The following NBAS variants were observed in gnomAD, a reference collection of about 807,000 sequenced individuals.
NBAS encodes the protein NBAS subunit of NRZ tethering complex.
In NBAS, 219 loss-of-function variants were observed where a neutral mutation model predicts 302.5. That is an observed-to-expected ratio of 0.72 (90% CI 0.65 to 0.81). The LOEUF (loss-of-function observed/expected upper bound fraction) is 0.81, where lower values mean the gene tolerates loss of function less well. Ranked by LOEUF, NBAS falls within the 30% of genes least tolerant of loss-of-function variation. The pLI, the probability that NBAS is intolerant of heterozygous loss-of-function variation, is 0.00. For synonymous variants in NBAS, 1,118 were observed against 1,021.6 expected, an observed-to-expected ratio of 1.09 and a Z score of -1.80; for missense variants, 2,932 against 2,841.6, an observed-to-expected ratio of 1.03 and a Z score of -0.72.
the NBAS span, among the ~76,000 whole-genome samples, chr2:14,983,024 G>C: frequency 6.6e-6 from 1 of 152,188 alleles, no homozygotes; most frequent in Non-Finnish European, 1.5e-5. Flanking sequence ...AAGCAGAACA[G>C]GGACATAGAA....
rs919659593 is a variant in NBAS at position 15,560,832 on chromosome 2, G to T, written c.117+356C>A. 3.3e-5 allele frequency among the ~76,000 whole-genome samples: 5 copies of T among 152,046 alleles called. No homozygotes were observed. In the East Asian group the frequency reaches 9.6e-4, roughly 29 times the overall value. On this transcript the variant is annotated intron_variant, in intron 1 of 51. Coordinates refer to ENST00000281513, the MANE Select transcript of NBAS (RefSeq NM_015909.4). ...GGTCCAGATAGGAGAAAGGACCCTC[G>T]AGTCCAGCGCTGTGCCTTCCCCTCC...
chr2:15,247,726 C>CTATCTATATATCTATATATATTTA (rs61310052), intron 44 of NBAS, among the ~76,000 whole-genome samples: 1 of 148,882 alleles, frequency 6.7e-6, no homozygotes, highest in South Asian at 2.1e-4. Flanking sequence ...ATATATACCT[C>CTATCTATATATCTATATATATTTA]TATCTATAGA....
chr2:15,093,608 A>G, the NBAS span, among the ~76,000 whole-genome samples: 1 of 152,210 alleles, frequency 6.6e-6, no homozygotes, highest in Non-Finnish European at 1.5e-5. Flanking sequence ...ATTCGCCAGC[A>G]ATGTGGACAA....
At chr2:15,178,288 A>G (rs1664650000) in intron 51 of NBAS, 1 of 347,980 alleles carries the variant, frequency 2.9e-6, no homozygotes, top group Admixed American at 3.0e-5. Context: ...ACAGACATAC[A>G]TACACTTCAA....
At chr2:14,901,459 G>C in the NBAS span, among the ~76,000 whole-genome samples, 47 of 151,922 alleles carry the variant, frequency 3.1e-4, no homozygotes, top group Non-Finnish European at 4.9e-4. Context: ...AAATCGGAAG[G>C]GTAATTTTTT....
chr2:15,065,356 T>C, the NBAS span, among the ~76,000 whole-genome samples: 1 of 152,076 alleles, frequency 6.6e-6, no homozygotes, highest in Non-Finnish European at 1.5e-5. Context: ...AAGGATGTCC[T>C]CTCTCAGCAC....
chr2:15,124,238 C>T, the NBAS span, among the ~76,000 whole-genome samples: 1 of 152,112 alleles, frequency 6.6e-6, no homozygotes, highest in African/African-American at 2.4e-5. Context: ...TTCTAGACAG[C>T]AATCTGCCCC....
intron 5 of NBAS, 106 bp from the exon 6 acceptor site, chr2:15,551,642 C>A: frequency 1.4e-6 from 1 of 722,466 alleles, no homozygotes; most frequent in South Asian, 2.0e-5. Flanking sequence ...AATGCTCAAT[C>A]ATATCTCCTC....
the NBAS span, among the ~76,000 whole-genome samples, chr2:15,092,522 T>A: frequency 7.9e-5 from 12 of 152,036 alleles, no homozygotes; most frequent in African/African-American, 2.2e-4. Context: ...TTTGCACTCC[T>A]CCCCCCACCC....
At chr2:15,480,318 G>C (rs535084417) in intron 12 of NBAS, among the ~76,000 whole-genome samples, 221 of 151,336 alleles carry the variant, frequency 1.5e-3, no homozygotes, top group Non-Finnish European at 2.4e-3. Flanking sequence ...TCCAGCCTGG[G>C]CAACAAAGCA....
At position 15,389,984 on chromosome 2, in the gene NBAS, A is replaced by C. The variant is rs185760853; in HGVS notation, c.3257+4243T>G. Among the ~76,000 whole-genome samples the C allele has an allele frequency of 2.6e-5, 4 of 152,348 alleles. No homozygotes were observed. The East Asian group carries it at 7.7e-4, about 29-fold the overall frequency. On this transcript the variant is annotated intron_variant, in intron 28 of 51. Coordinates refer to ENST00000281513, the MANE Select transcript of NBAS (RefSeq NM_015909.4). ...AATTCCAGAGAAACCAAAGCAGATA[A>C]AGCACATGCAGGATGAAGCACCAGG...
chr2:15,466,160 T>G (rs1013154497), intron 19 of NBAS, among the ~76,000 whole-genome samples: 1 of 152,136 alleles, frequency 6.6e-6, no homozygotes, highest in African/African-American at 2.4e-5. Flanking sequence ...ACATTTCAAT[T>G]ATATTAGCAG....
At chr2:14,980,897 AACTT>A in the NBAS span, among the ~76,000 whole-genome samples, 1,304 of 152,316 alleles carry the variant, frequency 8.6e-3, 20 homozygotes, top group African/African-American at 0.029. Flanking sequence ...TGTTTGTTGA[AACTT>A]AATAACTACA....
intron 34 of NBAS, 43 bp downstream of exon 34, chr2:15,353,510 T>A (rs758093423): frequency 1.9e-6 from 3 of 1,611,246 alleles, no homozygotes; most frequent in Non-Finnish European, 2.5e-6. Flanking sequence ...CCCAACAACA[T>A]GGACGTCATA....
At chr2:15,333,840 TAAAAAAA>T (rs554151194) in intron 35 of NBAS, among the ~76,000 whole-genome samples, 1 of 92,444 alleles carries the variant, frequency 1.1e-5, no homozygotes, top group Non-Finnish European at 2.4e-5. Flanking sequence ...ACAGTGGAGG[TAAAAAAA>T]AAAAAAAAAA....
intron 38 of NBAS, among the ~76,000 whole-genome samples, chr2:15,319,767 CAAA>C (rs1474974975): frequency 6.6e-6 from 1 of 151,858 alleles, no homozygotes; most frequent in South Asian, 2.1e-4. Flanking sequence ...GCCTACCAAC[CAAA>C]AAAAGTCCAG....
At chr2:14,800,785 G>GTAT in the NBAS span, among the ~76,000 whole-genome samples, 1 of 129,522 alleles carries the variant, frequency 7.7e-6, no homozygotes. Flanking sequence ...GATTTAAATT[G>GTAT]TTTTTGTTTT....
the NBAS span, among the ~76,000 whole-genome samples, chr2:14,973,060 C>T: frequency 6.6e-6 from 1 of 152,212 alleles, no homozygotes; most frequent in East Asian, 1.9e-4. Flanking sequence ...ATCCTCTTTT[C>T]TAATGCCCAC....
At chr2:15,214,839 T>C (rs938081837) in intron 48 of NBAS, among the ~76,000 whole-genome samples, 29 of 152,212 alleles carry the variant, frequency 1.9e-4, no homozygotes, top group African/African-American at 6.8e-4. Flanking sequence ...CATTTCAAAG[T>C]AGGCAAAATA....
Sources: allele counts gnomAD v4.1 joint callset (sites outside exome capture counted in the v4.1 genomes callset), GRCh38; gene constraint gnomAD v4.1.1; transcripts MANE v1.5; gene names NCBI Gene and HGNC (gene_info 2026-07-23, HGNC 2026-07-21).